SLC39A12: variants seen among roughly 807,000 people sequenced by gnomAD.
SLC39A12 encodes solute carrier family 39 member 12.
A neutral mutation model predicts 71.1 loss-of-function variants in SLC39A12; 63 were observed. The observed-to-expected ratio is 0.89, with a 90% confidence interval of 0.72 to 1.09. SLC39A12 has a LOEUF of 1.09. SLC39A12 is among the 50% of genes least tolerant of loss of function. The probability of loss-of-function intolerance (pLI) is 0.00; values close to 1 mark genes in which losing one functional copy is unlikely to be tolerated. For missense variants in SLC39A12, 892 were observed against 812.6 expected (o/e 1.10, Z -1.19); for synonymous variants, 351 against 301.3 (o/e 1.16, Z -1.71).
chr10:18,003,065 A>C, intron 11 of SLC39A12, 106 bp from the exon 12 acceptor site: 1 of 932,910 alleles, frequency 1.1e-6, no homozygotes, highest in Non-Finnish European at 1.6e-6. Flanking sequence ...TCTACCTATA[A>C]AATTGGTTCC....
At chr10:18,036,044 T>C (rs2130901069) in intron 12 of SLC39A12, among the ~76,000 whole-genome samples, 1 of 152,340 alleles carries the variant, frequency 6.6e-6, no homozygotes, top group South Asian at 2.1e-4. Context: ...ACCACTGCTC[T>C]CTTCAAAGCT....
chr10:18,033,804 C>T (rs1369106599), intron 12 of SLC39A12, among the ~76,000 whole-genome samples: 3 of 150,688 alleles, frequency 2.0e-5, no homozygotes, highest in Admixed American at 1.3e-4. Flanking sequence ...ATAAATTTCC[C>T]TCTACACACT....
intron 4 of SLC39A12, among the ~76,000 whole-genome samples, chr10:17,975,457 ATGT>A (rs1027174245): frequency 6.6e-6 from 1 of 152,114 alleles, no homozygotes; most frequent in African/African-American, 2.4e-5. Flanking sequence ...ATGTCTAGAA[ATGT>A]TGTCTGAGAG....
intron 2 of SLC39A12, among the ~76,000 whole-genome samples, chr10:17,957,002 C>A (rs1425340107): frequency 6.6e-6 from 1 of 152,016 alleles, no homozygotes; most frequent in African/African-American, 2.4e-5. Flanking sequence ...TTGTTAGCCA[C>A]CCCCCACCTC....
intron 10 of SLC39A12, among the ~76,000 whole-genome samples, chr10:17,999,910 A>G (rs932844162): frequency 6.6e-6 from 1 of 152,196 alleles, no homozygotes; most frequent in Non-Finnish European, 1.5e-5. Context: ...ACTGCCCTAG[A>G]TTGACACAGA....
intron 4 of SLC39A12, among the ~76,000 whole-genome samples, chr10:17,967,896 A>ATATATAT (rs1283821688): frequency 1.4e-4 from 18 of 124,688 alleles, no homozygotes; most frequent in African/African-American, 5.7e-4. Flanking sequence ...CAAAAAAAAA[A>ATATATAT]AAATATATAT....
chr10:17,957,645 C>T (rs1834583752), intron 2 of SLC39A12, among the ~76,000 whole-genome samples: 1 of 152,106 alleles, frequency 6.6e-6, no homozygotes, highest in Non-Finnish European at 1.5e-5. Context: ...GAGCCAACTT[C>T]TAAAAACATT....
intron 12 of SLC39A12, among the ~76,000 whole-genome samples, chr10:18,015,782 T>C (rs1836361005): frequency 6.6e-6 from 1 of 152,148 alleles, no homozygotes; most frequent in South Asian, 2.1e-4. Context: ...TCAACTTTTT[T>C]TTTTTTCACC....
In SLC39A12 at chr10:18,000,703, T is replaced by A; in HGVS notation, c.1637T>A (p.Val546Asp). ...AGCTTGTTAGCAATCATGATTCTGG[T>A]TGGGGACAGCCTGCATAATTTTGCA... The part of the protein sequence containing the change: ...AISLLAIMIL[V>D]GDSLHNFADG... The change falls in exon 11 of 13, where the codon GTT becomes GAT. Residue 546 changes from valine (V) to aspartate (D), a missense_variant. Transcript: ENST00000377369. 6.2e-7 allele frequency: 1 copy of A among 1,614,176 alleles called. No individual in the cohort carries two copies.
chr10:18,036,232 C>T (rs1422519963), intron 12 of SLC39A12, among the ~76,000 whole-genome samples: 8 of 152,286 alleles, frequency 5.3e-5, no homozygotes, highest in Admixed American at 2.0e-4. Flanking sequence ...CAATGGCGGG[C>T]GCCCCTCCCC....
chr10:18,011,487 G>T (rs1445986379), intron 12 of SLC39A12, among the ~76,000 whole-genome samples: 3 of 152,150 alleles, frequency 2.0e-5, no homozygotes, highest in African/African-American at 7.2e-5. Flanking sequence ...TGTGTTAATT[G>T]TGTTATTGGT....
At chr10:18,026,503 C>T (rs544769140) in intron 12 of SLC39A12, among the ~76,000 whole-genome samples, 9 of 152,100 alleles carry the variant, frequency 5.9e-5, no homozygotes, top group East Asian at 5.8e-4. Context: ...TATGCATAGA[C>T]GTAGGGTTTT....
At chr10:18,019,693 C>G (rs1836478838) in intron 12 of SLC39A12, among the ~76,000 whole-genome samples, 1 of 151,960 alleles carries the variant, frequency 6.6e-6, no homozygotes, top group African/African-American at 2.4e-5. Context: ...GTTATTTAAT[C>G]TCCAGTTCTT....
At chr10:17,995,164 G>A (rs1835653395) in intron 9 of SLC39A12, among the ~76,000 whole-genome samples, 1 of 152,170 alleles carries the variant, frequency 6.6e-6, no homozygotes, top group South Asian at 2.1e-4. Flanking sequence ...GACTGGCAAA[G>A]CAGTTAACAC....
At chr10:17,982,483 T>G (rs1298918926) in intron 6 of SLC39A12, among the ~76,000 whole-genome samples, 1 of 152,202 alleles carries the variant, frequency 6.6e-6, no homozygotes, top group East Asian at 1.9e-4. Context: ...ATAGCAATCA[T>G]AGCTGAGTTG....
intron 8 of SLC39A12, among the ~76,000 whole-genome samples, chr10:17,992,682 A>C (rs1415114148): frequency 6.6e-6 from 1 of 152,218 alleles, no homozygotes; most frequent in Non-Finnish European, 1.5e-5. Flanking sequence ...AGTGAAAGAA[A>C]TTCTGAACAT....
chr10:17,967,355 G>A lies in SLC39A12; in HGVS notation c.751+1665G>A, dbSNP rs150880242. On this transcript the variant is annotated intron_variant, in intron 4 of 12. Transcript: ENST00000377369. ...TTTTCAGAAGTTAAAAGCTATTGAT[G>A]ATAGTTGCCTAGATTGATTAATTAT... is the stretch of plus-strand genomic sequence containing the variant. Among the ~76,000 whole-genome samples the A allele has an allele frequency of 7.9e-5, 12 of 152,282 alleles. 1 individual carries two copies. Among genetic ancestry groups the A allele is most frequent in the African/African-American group, 2.9e-4 (12 of 41,556 alleles).
intron 12 of SLC39A12, among the ~76,000 whole-genome samples, chr10:18,013,472 A>C (rs1343007208): frequency 6.6e-6 from 1 of 151,576 alleles, no homozygotes; most frequent in Non-Finnish European, 1.5e-5. Flanking sequence ...GGATCAAGTG[A>C]TTCTCCTACC....
chr10:17,960,364 T>C (rs1834656564), intron 2 of SLC39A12, among the ~76,000 whole-genome samples: 1 of 152,216 alleles, frequency 6.6e-6, no homozygotes, highest in African/African-American at 2.4e-5. Flanking sequence ...TTCCTGTACC[T>C]GCTGTTTGTC....
Sources: gnomAD v4.1 joint callset for allele counts (sites outside exome capture counted in the v4.1 genomes callset) on GRCh38, gnomAD v4.1.1 for gene constraint, MANE v1.5 for transcripts, NCBI Gene and HGNC (gene_info 2026-07-23, HGNC 2026-07-21) for gene names.